Variants in SNX29 observed in about 807,000 individuals in gnomAD.
The protein encoded by SNX29 is sorting nexin 29, also known as sorting nexin-29.
In SNX29, 78 loss-of-function variants were observed where a neutral mutation model predicts 102.1. The ratio of observed to expected loss-of-function variants is 0.76; its 90% confidence interval spans 0.64 to 0.92. SNX29 has a LOEUF of 0.92. Among genes scored for constraint, SNX29 ranks in the 40% least tolerant of loss-of-function variants. SNX29 has a pLI of 0.00. For missense variants in SNX29, 1,280 were observed against 1,061.7 expected (o/e 1.21, Z -2.86); for synonymous variants, 580 against 414.5 (o/e 1.40, Z -4.85).
chr16:12,527,273 T>C (rs189678267), intron 20 of SNX29: 20 of 532,472 alleles, frequency 3.8e-5, no homozygotes, highest in Admixed American at 3.3e-4. Context: ...CATGTGATCG[T>C]GTCCTTTCTC....
chr16:12,540,390 C>A (rs2077277005), intron 20 of SNX29, among the ~76,000 whole-genome samples: 1 of 152,174 alleles, frequency 6.6e-6, no homozygotes, highest in Non-Finnish European at 1.5e-5. Flanking sequence ...ACCAAATTGG[C>A]ACAAAGTTAG....
At chr16:12,375,755 G>C (rs1012305289) in intron 16 of SNX29, 1 of 152,208 alleles carries the variant, frequency 6.6e-6, no homozygotes, top group Non-Finnish European at 1.5e-5. Context: ...CATTCTGGCC[G>C]GGAGCAGTGG....
intron 20 of SNX29, among the ~76,000 whole-genome samples, chr16:12,547,804 A>C (rs1331458674): frequency 6.6e-6 from 1 of 152,166 alleles, no homozygotes; most frequent in African/African-American, 2.4e-5. Flanking sequence ...TGGGCTCAAG[A>C]ATGCTCTGCA....
intron 14 of SNX29, among the ~76,000 whole-genome samples, chr16:12,259,000 A>G (rs970448327): frequency 2.6e-5 from 4 of 152,168 alleles, no homozygotes; most frequent in African/African-American, 7.2e-5. Context: ...ATCAGCAGAC[A>G]GAGAGCTGGA....
Position 12,442,898 on chromosome 16 carries a change from C to G in SNX29, c.2038-34821C>G, listed in dbSNP as rs1019155746. Reference sequence around the variant, plus strand: ...GTCAGCCACCATACCTGGCTGTGTTCAAAAAAAACTTTTTTTTCTGGTTTG... The same window carrying G: ...GTCAGCCACCATACCTGGCTGTGTTGAAAAAAAACTTTTTTTTCTGGTTTG... On this transcript the variant is annotated intron_variant, in intron 18 of 20. Coordinates refer to ENST00000566228, the MANE Select transcript of SNX29 (RefSeq NM_032167.5). The G allele has an allele frequency of 2.4e-5, 10 of 415,998 alleles. No homozygotes were observed. The East Asian group carries it at 6.5e-4, about 27-fold the overall frequency. The allele number at this position is 415,998 out of a possible 1,614,324, so 25.8% of individuals were successfully genotyped here.
chr16:12,266,153 G>A (rs1445356014), intron 14 of SNX29, among the ~76,000 whole-genome samples: 1 of 152,002 alleles, frequency 6.6e-6, no homozygotes, highest in Non-Finnish European at 1.5e-5. Context: ...TTGAACTACT[G>A]GGCTCAAGCG....
chr16:12,067,192 C>T (rs948701752), intron 9 of SNX29, among the ~76,000 whole-genome samples: 6 of 151,842 alleles, frequency 4.0e-5, no homozygotes, highest in Admixed American at 1.3e-4. Context: ...CTAAAAAAAG[C>T]GGGAGGGGAA....
chr16:12,296,126 A>G (rs1007277870), intron 15 of SNX29, among the ~76,000 whole-genome samples: 1 of 152,208 alleles, frequency 6.6e-6, no homozygotes, highest in African/African-American at 2.4e-5. Context: ...TTTAAAGTTA[A>G]TGGAAAATTC....
In SNX29 at chr16:12,445,618, A is replaced by G. The variant is rs148948921; in HGVS notation, c.2038-32101A>G. ...TCAAGATGGAGTTCTTCCCAGGTCC[A>G]CCTAAGCTAAGCTTTTTCACTTACA... is the stretch of plus-strand genomic sequence containing the variant. On this transcript the variant is annotated intron_variant, in intron 18 of 20. Coordinates refer to ENST00000566228, the MANE Select transcript of SNX29 (RefSeq NM_032167.5). Among the ~76,000 whole-genome samples, 1,255 of 152,318 alleles carry G rather than the reference A, an allele frequency of 8.2e-3. 8 individuals are homozygous for G. The highest frequency in any genetic ancestry group is 0.017 in the Middle Eastern group (5 of 294).
chr16:12,510,398 G>T (rs2089561368), intron 19 of SNX29, among the ~76,000 whole-genome samples: 1 of 152,202 alleles, frequency 6.6e-6, no homozygotes, highest in Non-Finnish European at 1.5e-5. Flanking sequence ...AAGAGGCTGG[G>T]TGTGGTGGCT....
intron 20 of SNX29, among the ~76,000 whole-genome samples, chr16:12,544,753 G>A (rs760644027): frequency 7.2e-5 from 11 of 152,162 alleles, no homozygotes; most frequent in Non-Finnish European, 1.2e-4. Context: ...GTGAAGGGAC[G>A]TGCTCTGGGT....
intron 18 of SNX29, among the ~76,000 whole-genome samples, chr16:12,414,532 C>G (rs1176184564): frequency 3.3e-5 from 5 of 152,178 alleles, no homozygotes; most frequent in Non-Finnish European, 7.3e-5. Flanking sequence ...GAGGAACTTG[C>G]TAAGCTACTG....
chr16:12,484,991 T>C (rs913398498), intron 19 of SNX29, among the ~76,000 whole-genome samples: 1 of 152,198 alleles, frequency 6.6e-6, no homozygotes, highest in African/African-American at 2.4e-5. Context: ...ATACTCACGG[T>C]CTAAATTAAT....
chr16:12,550,079 A>G (rs2077872974), intron 20 of SNX29, among the ~76,000 whole-genome samples: 1 of 152,222 alleles, frequency 6.6e-6, no homozygotes, highest in Admixed American at 6.5e-5. Flanking sequence ...CTTTATAGGA[A>G]GTTTGCCAAC....
At chr16:12,535,541 C>T (rs1466250435) in intron 20 of SNX29, among the ~76,000 whole-genome samples, 1 of 152,212 alleles carries the variant, frequency 6.6e-6, no homozygotes, top group African/African-American at 2.4e-5. Context: ...CATAGTCTCA[C>T]AGCTGGGACG....
chr16:12,488,387 T>C (rs1263501005), intron 19 of SNX29, among the ~76,000 whole-genome samples: 1 of 152,078 alleles, frequency 6.6e-6, no homozygotes, highest in East Asian at 1.9e-4. Context: ...TGGGTTCATT[T>C]CTCATACTCC....
intron 20 of SNX29, among the ~76,000 whole-genome samples, chr16:12,536,002 A>G (rs1248001804): frequency 1.3e-5 from 2 of 152,156 alleles, no homozygotes; most frequent in Non-Finnish European, 2.9e-5. Context: ...TACCTGTTCG[A>G]CACGCACTCG....
chr16:12,319,837 G>C (rs2151169559), intron 15 of SNX29, among the ~76,000 whole-genome samples: 1 of 152,232 alleles, frequency 6.6e-6, no homozygotes, highest in South Asian at 2.1e-4. Context: ...AAGGGGGAGG[G>C]ATGCACACCC....
intron 13 of SNX29, among the ~76,000 whole-genome samples, chr16:12,171,256 C>G (rs989298656): frequency 1.3e-5 from 2 of 151,992 alleles, no homozygotes; most frequent in African/African-American, 4.8e-5. Context: ...TGACTAAGAG[C>G]GCCAAATGGA....
Sources: allele counts gnomAD v4.1 joint callset (sites outside exome capture counted in the v4.1 genomes callset), GRCh38; gene constraint gnomAD v4.1.1; transcripts MANE v1.5; gene names NCBI Gene and HGNC (gene_info 2026-07-23, HGNC 2026-07-21).